MESP1: variants seen among roughly 807,000 people sequenced by gnomAD.
MESP1 encodes the protein mesoderm posterior protein 1.
Under a neutral mutation model 15.2 loss-of-function variants are expected in MESP1, and 22 were observed. The observed-to-expected ratio is 1.45, with a 90% CI of 1.04 to 2.07. The LOEUF is 2.07. MESP1 is among the 30% of genes most tolerant of loss of function. The probability of loss-of-function intolerance (pLI) is 0.00; values close to 1 mark genes in which losing one functional copy is unlikely to be tolerated. For synonymous variants in MESP1, 216 were observed against 192.6 expected, an observed-to-expected ratio of 1.12 and a Z score of -1.01; for missense variants, 484 against 411.9, an observed-to-expected ratio of 1.17 and a Z score of -1.51.
In MESP1 at chr15:89,751,027, C is replaced by T. The variant is rs554092772; in HGVS notation, c.205G>A (p.Val69Ile). Reference sequence around the variant, plus strand: ...CTGCTGCGCGCGCCGCGCCTACCTACGGAGGGGGCGCGGGGGTCCCGGAGG... The same window carrying T: ...CTGCTGCGCGCGCCGCGCCTACCTATGGAGGGGGCGCGGGGGTCCCGGAGG... ...GTLRDPRAPSVGRRGARSSRL... is the reference protein window; with the variant it reads ...GTLRDPRAPSIGRRGARSSRL... Residue 69 changes from valine to isoleucine, a missense_variant, in exon 1 of 2, where the codon GTA becomes ATA. Coordinates refer to ENST00000300057, the MANE Select transcript of MESP1 (RefSeq NM_018670.4). 3.7e-6 allele frequency: 5 copies of T among 1,351,428 alleles called. No individual in the cohort carries two copies. The highest frequency in any genetic ancestry group is 1.5e-5 in the African/African-American group (1 of 65,330). The allele number at this position is 1,351,428 out of a possible 1,614,324, so 83.7% of individuals were successfully genotyped here.
chr15:89,741,971 T>A, the MESP1 span, among the ~76,000 whole-genome samples: 1 of 152,212 alleles, frequency 6.6e-6, no homozygotes, highest in Admixed American at 6.5e-5. Context: ...CAGGATGGTA[T>A]CGATCTCTTG....
the MESP1 span, chr15:89,733,351 C>G: frequency 1.2e-6 from 1 of 820,480 alleles, no homozygotes; most frequent in Non-Finnish European, 1.9e-6. Flanking sequence ...TGGTGAGCTT[C>G]TGAAGATCAC....
At chr15:89,743,396 G>A in the MESP1 span, 1 of 1,614,044 alleles carries the variant, frequency 6.2e-7, no homozygotes, top group Non-Finnish European at 8.5e-7. Context: ...AAGTGAGGCT[G>A]CCACCGCCCT....
downstream of MESP1, among the ~76,000 whole-genome samples, chr15:89,746,769 A>ACACAGCCCCGCC (rs1468091346): frequency 7.6e-6 from 1 of 132,300 alleles, no homozygotes; most frequent in African/African-American, 3.1e-5. Flanking sequence ...CCCCACACAT[A>ACACAGCCCCGCC]TACACACAGC....
In MESP1 at chr15:89,750,779, G is replaced by C. The variant is rs182046642; in HGVS notation, c.453C>G (p.Cys151Trp). ...GLSEESLQRR[C>W]RQRGDAGSPR... ...GGGACCCCGCGTCACCGCGCTGCCG[G>C]CACCGGCGCTGGAGACTCTCCTCGC... Residue 151 changes from cysteine to tryptophan, a missense_variant, in exon 1 of 2, where the codon TGC becomes TGG. Coordinates refer to ENST00000300057, the MANE Select transcript of MESP1 (RefSeq NM_018670.4). 2,221 of 1,502,658 alleles carry C rather than the reference G, an allele frequency of 1.5e-3. 29 individuals carry two copies. In the African/African-American group the frequency reaches 0.028, roughly 19 times the overall value. The allele number at this position is 1,502,658 out of a possible 1,614,324, so 93.1% of individuals were successfully genotyped here.
the MESP1 span, chr15:89,738,019 T>A: frequency 6.3e-7 from 1 of 1,589,756 alleles, no homozygotes; most frequent in Non-Finnish European, 8.6e-7. Flanking sequence ...ACACAGAACA[T>A]GGTGTTCTTG....
At chr15:89,733,066 T>A in the MESP1 span, 1 of 1,614,204 alleles carries the variant, frequency 6.2e-7, no homozygotes, top group Non-Finnish European at 8.5e-7. Context: ...ATTCACTTCC[T>A]AAAATATTTC....
chr15:89,744,879 C>G (rs183525035), downstream of MESP1, among the ~76,000 whole-genome samples: 1 of 152,330 alleles, frequency 6.6e-6, no homozygotes, highest in Admixed American at 6.5e-5. Flanking sequence ...ACCCGGTGGA[C>G]CACCCCTTCC....
the MESP1 span, chr15:89,737,729 G>A: frequency 6.2e-7 from 1 of 1,614,164 alleles, no homozygotes; most frequent in Non-Finnish European, 8.5e-7. Flanking sequence ...CCTGCTCCGA[G>A]GTACAGAAAG....
chr15:89,745,234 G>C (rs1283341432), downstream of MESP1, among the ~76,000 whole-genome samples: 3 of 152,200 alleles, frequency 2.0e-5, no homozygotes, highest in African/African-American at 7.2e-5. The surrounding 1 kb of genome is among the most constrained non-coding windows in gnomAD (Gnocchi z 4.8). Context: ...GGGGAGAGCG[G>C]GTGGGGAGAG....
At chr15:89,734,345 G>C in the MESP1 span, among the ~76,000 whole-genome samples, 2 of 152,102 alleles carry the variant, frequency 1.3e-5, no homozygotes, top group Non-Finnish European at 2.9e-5. Context: ...TTCTAAGATA[G>C]CTTCACTCAC....
the MESP1 span, chr15:89,743,607 T>C: frequency 5.2e-6 from 3 of 579,228 alleles, no homozygotes; most frequent in Non-Finnish European, 9.2e-6. Flanking sequence ...GGCAGATGTG[T>C]CACCCAAATA....
At chr15:89,734,132 C>T in the MESP1 span, among the ~76,000 whole-genome samples, 1 of 152,202 alleles carries the variant, frequency 6.6e-6, no homozygotes, top group East Asian at 1.9e-4. Flanking sequence ...GGCTCTCCCT[C>T]ATCAATCCTT....
chr15:89,737,310 T>G, the MESP1 span, among the ~76,000 whole-genome samples: 8 of 152,118 alleles, frequency 5.3e-5, no homozygotes, highest in African/African-American at 1.9e-4. Context: ...GCAGAGAACT[T>G]GGAAGAGAGG....
At chr15:89,732,448 A>G in the MESP1 span, among the ~76,000 whole-genome samples, 1 of 152,234 alleles carries the variant, frequency 6.6e-6, no homozygotes, top group East Asian at 1.9e-4. Context: ...CACACTGCTA[A>G]GATAAACACC....
chr15:89,734,658 A>G, the MESP1 span, among the ~76,000 whole-genome samples: 1 of 152,094 alleles, frequency 6.6e-6, no homozygotes. Context: ...CCATTTTTCT[A>G]AATTCATCAT....
At chr15:89,747,544 C>T (rs1967994825), downstream of MESP1, among the ~76,000 whole-genome samples, 1 of 152,230 alleles carries the variant, frequency 6.6e-6, no homozygotes, top group Admixed American at 6.5e-5. Context: ...CTCCACGGCA[C>T]GTGGGGCCTG....
chr15:89,747,411 T>C (rs1347930733), downstream of MESP1, among the ~76,000 whole-genome samples: 1 of 152,220 alleles, frequency 6.6e-6, no homozygotes, highest in Non-Finnish European at 1.5e-5. Flanking sequence ...GCCTTCTCAC[T>C]AGGTGGCCCT....
chr15:89,750,307 CAG>C, intron 1 of MESP1, 80 bp from the exon 2 acceptor site: 2 of 1,579,538 alleles, frequency 1.3e-6, no homozygotes. Flanking sequence ...GCTCCACTCT[CAG>C]GGGGCCCCTA....
Sources: gnomAD v4.1 joint callset for allele counts (sites outside exome capture counted in the v4.1 genomes callset) on GRCh38, gnomAD v4.1.1 for gene constraint, Gnocchi (gnomAD v3.1) non-coding constraint, MANE v1.5 for transcripts, NCBI Gene and HGNC (gene_info 2026-07-23, HGNC 2026-07-21) for gene names.